Variants in DLC1 observed in about 807,000 individuals in gnomAD.
DLC1 encodes the protein rho GTPase-activating protein 7.
In DLC1, 54 loss-of-function variants were observed where a neutral mutation model predicts 140.3. The observed-to-expected ratio is 0.38, with a 90% CI of 0.31 to 0.48. The LOEUF (loss-of-function observed/expected upper bound fraction) is 0.48. Ranked by LOEUF, DLC1 falls within the 20% of genes least tolerant of loss-of-function variation. DLC1 has a pLI of 0.96. For missense variants in DLC1, 2,536 were observed against 1,907.0 expected (o/e 1.33, Z -6.14); for synonymous variants, 986 against 728.1 (o/e 1.35, Z -5.70).
chr8:13,215,536 A>G (rs1198046258), intron 5 of DLC1, among the ~76,000 whole-genome samples: 1 of 152,172 alleles, frequency 6.6e-6, no homozygotes, highest in Non-Finnish European at 1.5e-5. Context: ...CAGTTAGCCA[A>G]GATCACGCCA....
chr8:13,170,806 C>G (rs1198194657), intron 5 of DLC1, among the ~76,000 whole-genome samples: 2 of 151,092 alleles, frequency 1.3e-5, no homozygotes, highest in African/African-American at 2.4e-5. Flanking sequence ...TTCCAGACAT[C>G]TAATGCTAGA....
intron 5 of DLC1, among the ~76,000 whole-genome samples, chr8:13,202,980 C>T (rs1188579685): frequency 6.6e-6 from 1 of 152,170 alleles, no homozygotes; most frequent in South Asian, 2.1e-4. Flanking sequence ...CCCCTTGTAA[C>T]ACATCTTATT....
chr8:13,393,655 A>C lies in DLC1; in HGVS notation c.1212T>G (p.Ile404Met). The change falls in exon 4 of 18, where the codon ATT becomes ATG. Residue 404 changes from isoleucine to methionine, a missense_variant. Transcript: ENST00000276297. ...AATTTACTCGTGTCTGATTTACTGA[A>C]ATGGTATCTGCTCCACTTTCAGATC... ...ESGSESGADT[I>M]SVNQTRVNLS... 3.1e-6 allele frequency: 5 copies of C among 1,614,100 alleles called. No homozygotes were observed. Among genetic ancestry groups the C allele is most frequent in the Non-Finnish European group, 4.2e-6 (5 of 1,180,020 alleles).
intron 2 of DLC1, among the ~76,000 whole-genome samples, chr8:13,429,505 G>C (rs1838763049): frequency 6.6e-6 from 1 of 152,162 alleles, no homozygotes. Flanking sequence ...ATAGTGTAGG[G>C]AGAAGTAAAA....
chr8:13,195,287 A>G (rs1826983982), intron 5 of DLC1, among the ~76,000 whole-genome samples: 1 of 151,966 alleles, frequency 6.6e-6, no homozygotes, highest in African/African-American at 2.4e-5. Flanking sequence ...TGACAAATGT[A>G]TTTTGTCAGC....
At chr8:13,237,604 C>G (rs1829347273) in intron 5 of DLC1, among the ~76,000 whole-genome samples, 1 of 152,042 alleles carries the variant, frequency 6.6e-6, no homozygotes, top group Non-Finnish European at 1.5e-5. Context: ...TTTTATCCCT[C>G]AGCCCCCTCC....
intron 2 of DLC1, among the ~76,000 whole-genome samples, chr8:13,428,594 G>C: frequency 6.6e-6 from 1 of 152,104 alleles, no homozygotes; most frequent in Admixed American, 6.6e-5. Context: ...CACTAGTTCG[G>C]GAAATGGTGA....
chr8:13,400,874 T>G (rs1246394832), intron 3 of DLC1, among the ~76,000 whole-genome samples: 28 of 152,188 alleles, frequency 1.8e-4, no homozygotes, highest in Admixed American at 1.8e-3. Flanking sequence ...TTCCAAATTT[T>G]GAGTGTTGGA....
intron 2 of DLC1, among the ~76,000 whole-genome samples, chr8:13,455,515 C>T (rs2116998526): frequency 6.6e-6 from 1 of 152,304 alleles, no homozygotes; most frequent in Admixed American, 6.5e-5. Flanking sequence ...CAAGCATCTC[C>T]TGCAAGCTAT....
chr8:13,464,302 T>G (rs537016839), intron 2 of DLC1, among the ~76,000 whole-genome samples: 2 of 152,208 alleles, frequency 1.3e-5, no homozygotes, highest in African/African-American at 4.8e-5. Context: ...ACTGACTGAA[T>G]GCATTCATGT....
chr8:13,214,883 G>A (rs1406314513), intron 5 of DLC1: 1 of 697,612 alleles, frequency 1.4e-6, no homozygotes, highest in African/African-American at 1.8e-5. Context: ...GCTTTTGTAA[G>A]CGCCTTGCTC....
In DLC1 at chr8:13,500,078, G is replaced by A. The variant is rs1383942; in HGVS notation, c.-7C>T. On this transcript the variant is annotated 5_prime_UTR_variant, in exon 2 of 18. In the 5' UTR this introduces an upstream ATG that the reference lacks. Transcript: ENST00000276297. ...TTCTGATAGCTACAGACATGTCATCGTAGTTTAACAACAGACAGAGAGATA... is the reference window on the plus strand; with the variant it reads ...TTCTGATAGCTACAGACATGTCATCATAGTTTAACAACAGACAGAGAGATA... The A allele has an allele frequency of 0.9, 1,452,257 of 1,608,570 alleles. 662,831 individuals are homozygous for A. Among genetic ancestry groups the A allele is most frequent in the Non-Finnish European group, 0.94 (1,104,644 of 1,176,078 alleles).
At chr8:13,188,608 T>TA (rs1346387937) in intron 5 of DLC1, among the ~76,000 whole-genome samples, 1 of 140,934 alleles carries the variant, frequency 7.1e-6, no homozygotes. Context: ...TATTACTTTT[T>TA]TTTTTTTTTT....
chr8:13,203,124 G>T (rs906590943), intron 5 of DLC1, among the ~76,000 whole-genome samples: 1 of 152,218 alleles, frequency 6.6e-6, no homozygotes, highest in East Asian at 1.9e-4. Context: ...ACCTATCTTT[G>T]TCTTGCCTTA....
Position 13,092,794 on chromosome 8 carries a change from G to T in DLC1, c.3558C>A (p.Ile1186=), listed in dbSNP as rs746003560. 1 of 1,613,998 alleles carries T rather than the reference G, an allele frequency of 6.2e-7. No homozygotes were observed. Among genetic ancestry groups the T allele is most frequent in the Non-Finnish European group, 8.5e-7 (1 of 1,179,968 alleles). Residue 1186 remains isoleucine (I), a synonymous_variant, in exon 13 of 18, where the codon ATC becomes ATA. Coordinates refer to ENST00000276297, the MANE Select transcript of DLC1 (RefSeq NM_182643.3). ...CAGGCAGCAGCATGATGGCAGCCTT[G>T]ATGGCCTGCAGGCGCTGGTCCTTGG... ...YVPKDQRLQA[I]KAAIMLLPDE...
intron 5 of DLC1, among the ~76,000 whole-genome samples, chr8:13,188,222 C>T (rs982371260): frequency 1.3e-5 from 2 of 151,216 alleles, no homozygotes; most frequent in Admixed American, 1.3e-4. Context: ...GCTGGGGTTA[C>T]AGGTGCCGGC....
intron 4 of DLC1, among the ~76,000 whole-genome samples, chr8:13,308,260 C>T (rs1437719353): frequency 1.3e-5 from 2 of 152,220 alleles, no homozygotes; most frequent in African/African-American, 4.8e-5. Flanking sequence ...GTTAGAATGT[C>T]ACCACACTCT....
intron 5 of DLC1, among the ~76,000 whole-genome samples, chr8:13,212,435 A>G (rs1246722705): frequency 6.6e-6 from 1 of 152,154 alleles, no homozygotes; most frequent in East Asian, 1.9e-4. Context: ...ATTTATTGCT[A>G]TGTCTCTAGT....
intron 5 of DLC1, among the ~76,000 whole-genome samples, chr8:13,301,016 G>T (rs558241169): frequency 1.3e-5 from 2 of 152,074 alleles, no homozygotes; most frequent in Non-Finnish European, 2.9e-5. Context: ...GTGTGTAGAA[G>T]GTGGAGGAGC....
Sources: allele counts gnomAD v4.1 joint callset (sites outside exome capture counted in the v4.1 genomes callset), GRCh38; gene constraint gnomAD v4.1.1; transcripts MANE v1.5; gene names NCBI Gene and HGNC (gene_info 2026-07-23, HGNC 2026-07-21).